FAM8A1: variants seen among roughly 807,000 people sequenced by gnomAD.
FAM8A1 encodes protein FAM8A1.
FAM8A1 carries 18 observed loss-of-function variants against 38.3 expected under a neutral mutation model. The observed-to-expected ratio is 0.47, with a 90% CI of 0.33 to 0.70. FAM8A1 has a LOEUF of 0.70. Among genes scored for constraint, FAM8A1 ranks in the 30% least tolerant of loss-of-function variants. The pLI is 0.03. For missense variants in FAM8A1, 559 were observed against 559.6 expected, an observed-to-expected ratio of 1.00 and a Z score of 0.01; for synonymous variants, 246 against 234.4, an observed-to-expected ratio of 1.05 and a Z score of -0.45.
chr6:17,602,187 C>T (rs1181742431), intron 1 of FAM8A1, among the ~76,000 whole-genome samples: 2 of 152,210 alleles, frequency 1.3e-5, no homozygotes, highest in Non-Finnish European at 2.9e-5. Flanking sequence ...TGCGCCACCA[C>T]GCCCGGCTAA....
rs769715445 is a variant in FAM8A1 at position 17,600,409 on chromosome 6, G to A, written c.-1G>A. On this transcript the variant is annotated 5_prime_UTR_variant, in exon 1 of 5. Transcript: ENST00000259963. ...TCCCAGAGGGTGCTGCTGAGGCGAC[G>A]ATGGCCGAGGGGCCCGAGGAAGCCC... is the stretch of plus-strand genomic sequence containing the variant. The A allele has an allele frequency of 1.4e-6, 2 of 1,415,160 alleles. No individual in the cohort carries two copies. Among genetic ancestry groups the A allele is most frequent in the South Asian group, 3.0e-5 (2 of 66,720 alleles). The allele number at this position is 1,415,160 out of a possible 1,614,324, so 87.7% of individuals were successfully genotyped here.
chr6:17,605,552 G>A (rs887887983), intron 3 of FAM8A1, among the ~76,000 whole-genome samples: 1 of 151,894 alleles, frequency 6.6e-6, no homozygotes, highest in African/African-American at 2.4e-5. Flanking sequence ...ATATTTTTCA[G>A]TCTTAGAAAC....
intron 1 of FAM8A1, among the ~76,000 whole-genome samples, chr6:17,601,766 C>T (rs771255057): frequency 2.6e-5 from 4 of 151,970 alleles, no homozygotes; most frequent in Admixed American, 2.0e-4. Context: ...CTAGTTGATG[C>T]CTCTGATCCC....
intron 3 of FAM8A1, among the ~76,000 whole-genome samples, chr6:17,605,480 A>C (rs1345655111): frequency 6.6e-6 from 1 of 151,884 alleles, no homozygotes; most frequent in Non-Finnish European, 1.5e-5. Flanking sequence ...TTTTTTTCCC[A>C]AATTTTAACT....
At chr6:17,604,626 ATTG>A (rs1462016299) in intron 2 of FAM8A1, among the ~76,000 whole-genome samples, 2 of 151,972 alleles carry the variant, frequency 1.3e-5, no homozygotes, top group Non-Finnish European at 2.9e-5. Context: ...CTATTTATTT[ATTG>A]TTCTGTTTTC....
At chr6:17,601,723 A>G (rs959127856) in intron 1 of FAM8A1, among the ~76,000 whole-genome samples, 2 of 152,128 alleles carry the variant, frequency 1.3e-5, no homozygotes, top group East Asian at 3.8e-4. Flanking sequence ...CTTTTAGTTT[A>G]TTTTAGTTAG....
At chr6:17,606,193 G>A (rs1764050893) in intron 4 of FAM8A1, among the ~76,000 whole-genome samples, 180 bp downstream of exon 4, 1 of 149,654 alleles carries the variant, frequency 6.7e-6, no homozygotes, top group Non-Finnish European at 1.5e-5. Flanking sequence ...ACATTTTCAA[G>A]ATGATTTTTT....
At position 17,601,033 on chromosome 6, in the gene FAM8A1, C is replaced by G; in HGVS notation, c.624C>G (p.His208Gln). 2 of 1,591,040 alleles carry G rather than the reference C, an allele frequency of 1.3e-6. No homozygotes were observed. The highest frequency in any genetic ancestry group is 1.7e-6 in the Non-Finnish European group (2 of 1,171,466). ...PVAGLGPRAPHVQASVRATPV... is the reference protein window; with the variant it reads ...PVAGLGPRAPQVQASVRATPV... ...CGGGCCTGGGACCCCGGGCTCCTCA[C>G]GTGCAGGCGTCGGTCCGGGCCACTC... The change falls in exon 1 of 5, where the codon CAC (histidine) becomes CAG (glutamine). Residue 208 changes from histidine (H) to glutamine (Q), a missense_variant. His to Gln is a conservative substitution (Grantham distance 24). This residue lies in a region of FAM8A1 where 393 missense variants were observed against 338.9 expected (regional missense o/e 1.16). Transcript: ENST00000259963.
At chr6:17,606,409 C>T (rs1216805000) in intron 4 of FAM8A1, among the ~76,000 whole-genome samples, 2 of 152,082 alleles carry the variant, frequency 1.3e-5, no homozygotes, top group African/African-American at 4.8e-5. Context: ...ACCGTGTTAA[C>T]CAGGATGGTC....
chr6:17,608,570 TTA>T lies in FAM8A1; in HGVS notation c.*234_*235del, dbSNP rs1764091512. The T allele has an allele frequency of 3.2e-6, 1 of 316,782 alleles. No individual in the cohort carries two copies. Among genetic ancestry groups the T allele is most frequent in the Admixed American group, 5.8e-5 (1 of 17,222 alleles). The allele number at this position is 316,782 out of a possible 1,614,324, so 19.6% of individuals were successfully genotyped here. On this transcript the variant is annotated 3_prime_UTR_variant, in exon 5 of 5. Coordinates refer to ENST00000259963, the MANE Select transcript of FAM8A1 (RefSeq NM_016255.3). ...TTTTAGATCAAAAAGGCAAATGATT[TTA>T]TAAACAATGGACAATATATACTTTC...
chr6:17,601,096 C>A lies in FAM8A1; in HGVS notation c.687C>A (p.Ser229Arg). The A allele has an allele frequency of 6.3e-7, 1 of 1,597,170 alleles. No homozygotes were observed. Among genetic ancestry groups the A allele is most frequent in the Non-Finnish European group, 8.5e-7 (1 of 1,174,480 alleles). Residue 229 changes from serine to arginine, a missense_variant, in exon 1 of 5, where the codon AGC (serine) becomes AGA (arginine). Coordinates refer to ENST00000259963, the MANE Select transcript of FAM8A1 (RefSeq NM_016255.3). ...TAGGATCCGCAGCCCCTTCGCGAAG[C>A]CCGAGCGAGACCGGGCGACAGGCAG... Reference protein sequence around the residue: ...TRVGSAAPSRSPSETGRQAGR... With the variant: ...TRVGSAAPSRRPSETGRQAGR...
In FAM8A1 at chr6:17,601,060, A is replaced by C; in HGVS notation, c.651A>C (p.Pro217=). 6.3e-7 allele frequency: 1 copy of C among 1,598,080 alleles called. No individual in the cohort carries two copies. The change falls in exon 1 of 5, where the codon CCA becomes CCC. Residue 217 remains proline (P), a synonymous_variant. Transcript: ENST00000259963. The stretch of plus-strand genomic sequence containing the variant: ...TGCAGGCGTCGGTCCGGGCCACTCC[A>C]GTGACGAGGGTAGGATCCGCAGCCC... ...PHVQASVRAT[P]VTRVGSAAPS...
chr6:17,601,245 C>G, intron 1 of FAM8A1, 124 bp downstream of exon 1: 1 of 1,275,088 alleles, frequency 7.8e-7, no homozygotes, highest in East Asian at 2.6e-5. Flanking sequence ...CCTGCCCGTT[C>G]AGTTCACTAG....
Position 17,600,384 on chromosome 6 carries a change from T to G in FAM8A1, c.-26T>G. The G allele has an allele frequency of 7.3e-7, 1 of 1,368,030 alleles. No homozygotes were observed. Among genetic ancestry groups the G allele is most frequent in the Non-Finnish European group, 9.4e-7 (1 of 1,059,072 alleles). 84.7% of individuals were successfully genotyped at this position (1,368,030 alleles called of 1,614,324 possible). A position where few individuals can be genotyped will look rare whatever the true frequency, so the allele number is the denominator to read the frequency against. On this transcript the variant is annotated 5_prime_UTR_variant, in exon 1 of 5. Transcript: ENST00000259963. ...GAGGGAAACGGAGCAGTGACAGGTA[T>G]CCCAGAGGGTGCTGCTGAGGCGACG...
rs959017971 is a variant in FAM8A1 at position 17,600,424 on chromosome 6, C to A, written c.15C>A (p.Pro5=). 1 of 1,432,658 alleles carries A rather than the reference C, an allele frequency of 7.0e-7. No individual in the cohort carries two copies. Among genetic ancestry groups the A allele is most frequent in the South Asian group, 1.4e-5 (1 of 69,950 alleles). The allele number at this position is 1,432,658 out of a possible 1,614,324, so 88.7% of individuals were successfully genotyped here. MAEG[P]EEARGHPPGQ... is the part of the protein sequence containing the mutation. ...CTGAGGCGACGATGGCCGAGGGGCC[C>A]GAGGAAGCCCGAGGCCACCCTCCCG... Residue 5 remains proline (P), a synonymous_variant, in exon 1 of 5, where the codon CCC becomes CCA. Coordinates refer to ENST00000259963, the MANE Select transcript of FAM8A1 (RefSeq NM_016255.3).
chr6:17,600,461 G>A lies in FAM8A1; in HGVS notation c.52G>A (p.Gly18Ser). Reference protein sequence around the residue: ...ARGHPPGQDDGGGDHEPVPSL... With the variant: ...ARGHPPGQDDSGGDHEPVPSL... ...AGGCCACCCTCCCGGGCAGGACGAT[G>A]GCGGAGGGGACCACGAGCCCGTCCC... Residue 18 changes from glycine to serine, a missense_variant, in exon 1 of 5, where the codon GGC becomes AGC. Coordinates refer to ENST00000259963, the MANE Select transcript of FAM8A1 (RefSeq NM_016255.3). The A allele has an allele frequency of 6.7e-7, 1 of 1,496,422 alleles. No individual in the cohort carries two copies. 92.7% of individuals were successfully genotyped at this position (1,496,422 alleles called of 1,614,324 possible). A position where few individuals can be genotyped will look rare whatever the true frequency, so the allele number is the denominator to read the frequency against.
At position 17,600,596 on chromosome 6, in the gene FAM8A1, G is replaced by A. The variant is rs958888575; in HGVS notation, c.187G>A (p.Ala63Thr). The A allele has an allele frequency of 6.7e-7, 1 of 1,491,078 alleles. No homozygotes were observed. The highest frequency in any genetic ancestry group is 8.9e-7 in the Non-Finnish European group (1 of 1,125,386). 92.4% of individuals were successfully genotyped at this position (1,491,078 alleles called of 1,614,324 possible). Residue 63 changes from alanine (A) to threonine (T), a missense_variant, in exon 1 of 5, where the codon GCA (alanine) becomes ACA (threonine). Coordinates refer to ENST00000259963, the MANE Select transcript of FAM8A1 (RefSeq NM_016255.3). ...PTAPGLAAAAAADKLEPPREL... is the reference protein window; with the variant it reads ...PTAPGLAAAATADKLEPPREL... ...AGCCCCGGGCCTCGCGGCTGCCGCC[G>A]CAGCCGACAAATTGGAGCCGCCGCG... is the stretch of plus-strand genomic sequence containing the variant.
chr6:17,600,905 C>G lies in FAM8A1; in HGVS notation c.496C>G (p.Pro166Ala). The change falls in exon 1 of 5, where the codon CCC becomes GCC. Residue 166 changes from proline to alanine, a missense_variant. Transcript: ENST00000259963. ...AAVPQAAAPP[P>A]PQLGYYNPFY... is the part of the protein sequence containing the mutation. ...AGTCCCCCAGGCCGCGGCGCCGCCG[C>G]CCCCGCAGCTGGGCTATTACAACCC... 1.3e-6 allele frequency: 2 copies of G among 1,588,106 alleles called. No homozygotes were observed. The highest frequency in any genetic ancestry group is 1.7e-6 in the Non-Finnish European group (2 of 1,170,968).
chr6:17,602,231 A>G (rs1763994710), intron 1 of FAM8A1, among the ~76,000 whole-genome samples: 1 of 152,242 alleles, frequency 6.6e-6, no homozygotes, highest in South Asian at 2.1e-4. Flanking sequence ...GGGTTTCGCC[A>G]TGTTGGCCAG....
Sources: allele counts gnomAD v4.1 joint callset (sites outside exome capture counted in the v4.1 genomes callset), GRCh38; gene constraint gnomAD v4.1.1; regional missense constraint gnomAD v4.1.1; transcripts MANE v1.5; gene names NCBI Gene and HGNC (gene_info 2026-07-23, HGNC 2026-07-21).